Variants in TES observed in about 807,000 individuals in gnomAD.
TES encodes the protein testin.
In TES, 41 loss-of-function variants were observed where a neutral mutation model predicts 48.2. The ratio of observed to expected loss-of-function variants is 0.85; its 90% CI spans 0.66 to 1.10. The LOEUF is 1.10. Ranked by LOEUF, TES falls within the 50% of genes least tolerant of loss-of-function variation. TES has a pLI of 0.00. For synonymous variants in TES, 162 were observed against 174.9 expected, an observed-to-expected ratio of 0.93 and a Z score of 0.58; for missense variants, 463 against 515.1, an observed-to-expected ratio of 0.90 and a Z score of 0.98.
Position 116,218,815 on chromosome 7 carries a change from T to A in TES, c.27+8081T>A, listed in dbSNP as rs542057529. Among the ~76,000 whole-genome samples the A allele has an allele frequency of 7.9e-5, 12 of 152,252 alleles. No individual in the cohort carries two copies. The South Asian group carries it at 2.1e-3, about 26-fold the overall frequency. ...AATTTCTTATCTGGGATGAGGAACC[T>A]TTTTATAAACAAAAATTAATCATTG... is the stretch of plus-strand genomic sequence containing the variant. On this transcript the variant is annotated intron_variant, in intron 1 of 6. Transcript: ENST00000358204.
At chr7:116,244,828 C>G (rs1584624779) in intron 2 of TES, among the ~76,000 whole-genome samples, 1 of 152,204 alleles carries the variant, frequency 6.6e-6, no homozygotes, top group South Asian at 2.1e-4. Flanking sequence ...GGCAGAGGTT[C>G]CCAAACATCA....
intron 6 of TES, among the ~76,000 whole-genome samples, chr7:116,253,478 T>G (rs1262509650): frequency 3.9e-5 from 6 of 152,154 alleles, no homozygotes; most frequent in Non-Finnish European, 4.4e-5. Context: ...TTCCTCCACT[T>G]TCATTCATCT....
intron 4 of TES, 22 bp downstream of exon 4, chr7:116,250,518 T>A: frequency 1.4e-6 from 2 of 1,471,260 alleles, no homozygotes; most frequent in Non-Finnish European, 1.8e-6. Flanking sequence ...GGTCACACTG[T>A]TAGCCTGATT....
intron 2 of TES, among the ~76,000 whole-genome samples, chr7:116,239,623 T>G (rs925087133): frequency 2.6e-5 from 4 of 152,240 alleles, no homozygotes; most frequent in Admixed American, 6.5e-5. Context: ...AACTTTGAAC[T>G]GCACCAGGCT....
rs144416471 is a variant in TES at position 116,239,579 on chromosome 7, T to C, written c.113+4960T>C. On this transcript the variant is annotated intron_variant, in intron 2 of 6. Coordinates refer to ENST00000358204, the MANE Select transcript of TES (RefSeq NM_015641.4). ...ACCTTTCTCCATGGCAGAGTAGATA[T>C]TAGAATGCACATTTTTCACTCTCAG... is the stretch of plus-strand genomic sequence containing the variant. 6.4e-3 allele frequency among the ~76,000 whole-genome samples: 976 copies of C among 152,330 alleles called. 8 individuals are homozygous for C. Among genetic ancestry groups the C allele is most frequent in the Non-Finnish European group, 8.9e-3 (605 of 68,026 alleles).
At chr7:116,252,773 G>T (rs1453022522) in intron 6 of TES, 1 of 400,158 alleles carries the variant, frequency 2.5e-6, no homozygotes, top group Non-Finnish European at 4.7e-6. Flanking sequence ...TATTTTCATG[G>T]TTAGCAATCA....
chr7:116,242,571 A>G (rs1028725717), intron 2 of TES, among the ~76,000 whole-genome samples: 2 of 151,928 alleles, frequency 1.3e-5, no homozygotes, highest in African/African-American at 4.8e-5. Flanking sequence ...GTCAAATCTA[A>G]TATTTTCAGT....
chr7:116,234,759 AAC>A (rs1216918229), intron 2 of TES, 140 bp downstream of exon 2: 2 of 647,754 alleles, frequency 3.1e-6, no homozygotes, highest in Non-Finnish European at 5.3e-6. Context: ...AAATGAATAC[AAC>A]ATAAAAAGTG....
chr7:116,231,455 G>A (rs185966335), intron 1 of TES, among the ~76,000 whole-genome samples: 66 of 151,902 alleles, frequency 4.3e-4, no homozygotes, highest in Non-Finnish European at 2.8e-4. Context: ...ATGTGCCCAA[G>A]GTGGTCAGGC....
At chr7:116,227,999 C>CT (rs67263287) in intron 1 of TES, among the ~76,000 whole-genome samples, 20,344 of 141,900 alleles carry the variant, frequency 0.14, 1,425 homozygotes, top group South Asian at 0.19. Context: ...GTTCCATAGT[C>CT]TTTTTTTTGT....
intron 4 of TES, among the ~76,000 whole-genome samples, 198 bp downstream of exon 4, chr7:116,250,694 C>T (rs1799994373): frequency 6.6e-6 from 1 of 152,116 alleles, no homozygotes; most frequent in African/African-American, 2.4e-5. Flanking sequence ...GCCAAATTTT[C>T]TATGTATTTA....
At chr7:116,217,641 A>C in intron 1 of TES, 1 of 351,032 alleles carries the variant, frequency 2.8e-6, no homozygotes, top group Admixed American at 3.5e-5. Flanking sequence ...AAGACTAATC[A>C]AAAACATTGC....
At chr7:116,254,365 C>G (rs1360962587) in intron 6 of TES, among the ~76,000 whole-genome samples, 1 of 151,956 alleles carries the variant, frequency 6.6e-6, no homozygotes, top group African/African-American at 2.4e-5. Flanking sequence ...TACATTGTTT[C>G]TAATCAATGG....
chr7:116,252,577 T>G, intron 6 of TES, 101 bp downstream of exon 6: 2 of 1,568,860 alleles, frequency 1.3e-6, no homozygotes, highest in Non-Finnish European at 1.8e-6. Flanking sequence ...AAAGCAGTCC[T>G]CCTAAGTAGA....
chr7:116,240,686 C>T (rs189282992), intron 2 of TES, among the ~76,000 whole-genome samples: 1 of 152,272 alleles, frequency 6.6e-6, no homozygotes, highest in East Asian at 1.9e-4. Context: ...TCTGAATCCC[C>T]TTCCCTTTTT....
intron 1 of TES, among the ~76,000 whole-genome samples, chr7:116,230,282 G>A (rs1799681167): frequency 6.6e-6 from 1 of 152,176 alleles, no homozygotes; most frequent in Admixed American, 6.5e-5. Flanking sequence ...TCACACTTAG[G>A]TCTGAGCATG....
rs201867376 is a variant in TES at position 116,251,972 on chromosome 7, C to T, written c.915C>T (p.Asp305=). The T allele has an allele frequency of 1.7e-5, 27 of 1,613,902 alleles. No homozygotes were observed. Among genetic ancestry groups the T allele is most frequent in the African/African-American group, 5.3e-5 (4 of 74,834 alleles). The change falls in exon 5 of 7, where the codon GAC becomes GAT. Residue 305 remains aspartate, a synonymous_variant. Coordinates refer to ENST00000358204, the MANE Select transcript of TES (RefSeq NM_015641.4). ...AGAAACCCCGATGTGCTGGCTGTGA[C>T]GAGGTATGTTCTATGGGACCACCGG... ...DSEKPRCAGC[D]ELIFSNEYTQ...
At position 116,258,529 on chromosome 7, in the gene TES, T is replaced by C. The variant is rs779452748; in HGVS notation, c.*1047T>C. On this transcript the variant is annotated 3_prime_UTR_variant, in exon 7 of 7. Transcript: ENST00000358204. ...TGTACCCAGAGACTATGATTTATAT[T>C]GATTGCACTTGCCTGCCATGATTTA... 3.9e-5 allele frequency: 6 copies of C among 152,416 alleles called. No individual in the cohort carries two copies. The highest frequency in any genetic ancestry group is 7.3e-5 in the African/African-American group (3 of 41,362). 9.4% of individuals were successfully genotyped at this position (152,416 alleles called of 1,614,324 possible).
chr7:116,247,073 C>T (rs1799937076), intron 2 of TES, among the ~76,000 whole-genome samples: 1 of 149,606 alleles, frequency 6.7e-6, no homozygotes, highest in African/African-American at 2.5e-5. Flanking sequence ...AAGAAGAGAA[C>T]ATTGTCCTTG....
Sources: gnomAD v4.1 joint callset for allele counts (sites outside exome capture counted in the v4.1 genomes callset) on GRCh38, gnomAD v4.1.1 for gene constraint, MANE v1.5 for transcripts, NCBI Gene and HGNC (gene_info 2026-07-23, HGNC 2026-07-21) for gene names.